The following SLC44A5 variants were observed in gnomAD, a reference collection of about 807,000 sequenced individuals.
SLC44A5 encodes choline transporter-like protein 5.
Under a neutral mutation model 101.8 loss-of-function variants are expected in SLC44A5, and 57 were observed. That is an observed-to-expected ratio of 0.56 (90% CI 0.45 to 0.70). The LOEUF is 0.70. Among genes scored for constraint, SLC44A5 ranks in the 30% least tolerant of loss-of-function variants. The pLI is 0.00. For synonymous variants in SLC44A5, 281 were observed against 290.9 expected, an observed-to-expected ratio of 0.97 and a Z score of 0.35; for missense variants, 737 against 853.1, an observed-to-expected ratio of 0.86 and a Z score of 1.70.
chr1:75,655,188 T>G, the SLC44A5 span, among the ~76,000 whole-genome samples: 9 of 152,194 alleles, frequency 5.9e-5, no homozygotes, highest in Non-Finnish European at 1.3e-4. Flanking sequence ...TTATGTAGCT[T>G]CAGGTACTAT....
intron 4 of SLC44A5, among the ~76,000 whole-genome samples, chr1:75,311,013 T>A (rs1345606096): frequency 6.6e-6 from 1 of 152,040 alleles, no homozygotes; most frequent in Non-Finnish European, 1.5e-5. Context: ...TATAAATTTT[T>A]AAAGTTAATA....
chr1:75,677,759 C>A, the SLC44A5 span: 1 of 439,890 alleles, frequency 2.3e-6, no homozygotes, highest in South Asian at 1.6e-5. Flanking sequence ...AAGGGAGGAA[C>A]CAAGATGGCC....
the SLC44A5 span, among the ~76,000 whole-genome samples, chr1:75,656,016 A>C: frequency 6.6e-6 from 1 of 152,200 alleles, no homozygotes; most frequent in Non-Finnish European, 1.5e-5. Flanking sequence ...GCAAGAGAAA[A>C]AAAGCAAATA....
At chr1:75,585,625 GA>G (rs1673948077) in intron 1 of SLC44A5, among the ~76,000 whole-genome samples, 2 of 152,018 alleles carry the variant, frequency 1.3e-5, no homozygotes, top group Non-Finnish European at 2.9e-5. Context: ...CTGTTGTGAG[GA>G]TTAAATGAGA....
chr1:75,619,079 A>AGGC, the SLC44A5 span, among the ~76,000 whole-genome samples: 218 of 96,574 alleles, frequency 2.3e-3, 3 homozygotes, highest in East Asian at 0.029. Context: ...TCAAAAAAAA[A>AGGC]GGGGGGGGGG....
At chr1:75,281,960 C>A (rs1436060849) in intron 5 of SLC44A5, among the ~76,000 whole-genome samples, 21 of 152,202 alleles carry the variant, frequency 1.4e-4, no homozygotes, top group Non-Finnish European at 7.3e-5. Context: ...AGAACCTCCA[C>A]TGGGGCATTG....
intron 3 of SLC44A5, among the ~76,000 whole-genome samples, chr1:75,344,464 T>C (rs1225276858): frequency 6.6e-6 from 1 of 152,138 alleles, no homozygotes; most frequent in Non-Finnish European, 1.5e-5. Context: ...ATTTTGCAGA[T>C]GTGAATAAAT....
intron 7 of SLC44A5, 65 bp from the exon 8 acceptor site, chr1:75,243,076 C>A: frequency 6.7e-7 from 1 of 1,500,938 alleles, no homozygotes; most frequent in Non-Finnish European, 8.9e-7. Flanking sequence ...ACCTATAAAG[C>A]TAGACTTCTA....
rs555001271 is a variant in SLC44A5, at chr1:75,491,393, T to C, written c.13+50042A>G. 3.3e-5 allele frequency among the ~76,000 whole-genome samples: 5 copies of C among 152,302 alleles called. No homozygotes were observed. The South Asian group carries it at 1.0e-3, about 32-fold the overall frequency. ...GTGAATTAACCAATCCAGGAAACTC[T>C]AGGTTTCATGATACATTTCCTTATT... On this transcript the variant is annotated intron_variant, in intron 2 of 23. Coordinates refer to ENST00000370859, the MANE Select transcript of SLC44A5 (RefSeq NM_001130058.2).
the SLC44A5 span, among the ~76,000 whole-genome samples, chr1:75,670,235 T>C: frequency 6.6e-6 from 1 of 152,020 alleles, no homozygotes; most frequent in South Asian, 2.1e-4. Context: ...TAAGCAAAGG[T>C]AATAATCAAT....
the SLC44A5 span, among the ~76,000 whole-genome samples, chr1:75,686,396 T>G: frequency 6.6e-6 from 1 of 152,192 alleles, no homozygotes; most frequent in Non-Finnish European, 1.5e-5. Flanking sequence ...TTCACAGAGA[T>G]GTAGATGAAG....
intron 2 of SLC44A5, among the ~76,000 whole-genome samples, chr1:75,524,436 C>T (rs1670308837): frequency 6.6e-6 from 1 of 151,994 alleles, no homozygotes; most frequent in Non-Finnish European, 1.5e-5. Flanking sequence ...CATGAATGCA[C>T]CCAAAAATTT....
At chr1:75,469,512 A>G (rs1175884050) in intron 2 of SLC44A5, among the ~76,000 whole-genome samples, 2 of 152,168 alleles carry the variant, frequency 1.3e-5, no homozygotes, top group African/African-American at 2.4e-5. Context: ...TGGCAATATC[A>G]TTCTGAAACC....
At chr1:75,704,765 G>C in the SLC44A5 span, among the ~76,000 whole-genome samples, 1 of 152,076 alleles carries the variant, frequency 6.6e-6, no homozygotes, top group Non-Finnish European at 1.5e-5. Flanking sequence ...TACAAATAAT[G>C]ACAGTGTTAT....
At chr1:75,536,676 T>A (rs1358450141) in intron 2 of SLC44A5, among the ~76,000 whole-genome samples, 36 of 142,124 alleles carry the variant, frequency 2.5e-4, no homozygotes, top group African/African-American at 8.7e-4. Flanking sequence ...AAATAAATAA[T>A]TATTATTTTC....
the SLC44A5 span, among the ~76,000 whole-genome samples, chr1:75,666,245 TA>T: frequency 2.7e-3 from 414 of 151,852 alleles, 3 homozygotes; most frequent in African/African-American, 9.5e-3. Flanking sequence ...GTGGATTGCA[TA>T]AAAAAAATGT....
At chr1:75,386,926 C>T (rs541123310) in intron 3 of SLC44A5, among the ~76,000 whole-genome samples, 79 of 152,198 alleles carry the variant, frequency 5.2e-4, no homozygotes, top group South Asian at 2.5e-3. Context: ...ACTATCTGAT[C>T]TTTGACAAAC....
intron 2 of SLC44A5, among the ~76,000 whole-genome samples, chr1:75,411,501 T>A (rs963551702): frequency 6.6e-6 from 1 of 152,064 alleles, no homozygotes; most frequent in Non-Finnish European, 1.5e-5. Context: ...AGTGTGCAAG[T>A]TGAAAGAGCA....
chr1:75,363,082 C>T (rs1659612141), intron 3 of SLC44A5, among the ~76,000 whole-genome samples: 4 of 151,900 alleles, frequency 2.6e-5, no homozygotes, highest in Admixed American at 6.6e-5. Flanking sequence ...AAGTTTGTAA[C>T]TTTAAGTCTA....
Sources: allele counts gnomAD v4.1 joint callset (sites outside exome capture counted in the v4.1 genomes callset), GRCh38; gene constraint gnomAD v4.1.1; transcripts MANE v1.5; gene names NCBI Gene and HGNC (gene_info 2026-07-23, HGNC 2026-07-21).